The following SAMMSON variants were observed in gnomAD, a reference collection of about 807,000 sequenced individuals.
The protein encoded by SAMMSON is long intergenic non-protein coding RNA 1212.
intron 2 of SAMMSON, among the ~76,000 whole-genome samples, chr3:70,425,606 G>A (rs1385038318): frequency 6.6e-6 from 1 of 151,594 alleles, no homozygotes; most frequent in African/African-American, 2.4e-5. Context: ...GTAGAGACGG[G>A]GTTTCACCAT....
At chr3:70,028,833 C>T (rs147973823) in intron 3 of SAMMSON, among the ~76,000 whole-genome samples, 2 of 152,106 alleles carry the variant, frequency 1.3e-5, no homozygotes, top group Non-Finnish European at 2.9e-5. Flanking sequence ...GTTTTCTCAC[C>T]GATGATAATG....
At chr3:70,051,342 T>C (rs184635777) in intron 3 of SAMMSON, among the ~76,000 whole-genome samples, 1 of 150,078 alleles carries the variant, frequency 6.7e-6, no homozygotes, top group Admixed American at 6.6e-5. Flanking sequence ...CATAAGGATT[T>C]AACAGGGAAG....
At chr3:70,030,152 G>T (rs1435211264) in intron 3 of SAMMSON, among the ~76,000 whole-genome samples, 1 of 151,826 alleles carries the variant, frequency 6.6e-6, no homozygotes, top group Non-Finnish European at 1.5e-5. Context: ...AATAAGAAAA[G>T]TTAAATAAAT....
intron 3 of SAMMSON, among the ~76,000 whole-genome samples, chr3:70,050,563 A>T (rs2067142266): frequency 6.6e-6 from 1 of 152,156 alleles, no homozygotes. Flanking sequence ...ATGTTAATTG[A>T]CTTGACACAT....
chr3:70,159,113 C>T (rs1374739195), intron 4 of SAMMSON, among the ~76,000 whole-genome samples: 2 of 151,860 alleles, frequency 1.3e-5, no homozygotes, highest in East Asian at 3.9e-4. Context: ...TTTCTACAAC[C>T]TTTTTTGATA....
chr3:70,293,109 A>G (rs535003494), intron 7 of SAMMSON, among the ~76,000 whole-genome samples: 35 of 149,942 alleles, frequency 2.3e-4, no homozygotes, highest in Admixed American at 6.0e-4. Flanking sequence ...AAAATTCAGT[A>G]TTCACCAACT....
At chr3:70,293,811 A>G (rs1575618323) in intron 7 of SAMMSON, among the ~76,000 whole-genome samples, 2 of 152,108 alleles carry the variant, frequency 1.3e-5, no homozygotes, top group African/African-American at 4.8e-5. Context: ...AAAAGACCTT[A>G]GGAACCTGGT....
chr3:70,164,091 G>A (rs2067626975), intron 4 of SAMMSON, among the ~76,000 whole-genome samples: 1 of 151,994 alleles, frequency 6.6e-6, no homozygotes, highest in African/African-American at 2.4e-5. Context: ...TGTGCTGATG[G>A]ATTTAGGTTC....
chr3:70,123,490 G>C (rs1373434303), intron 4 of SAMMSON, among the ~76,000 whole-genome samples: 1 of 152,174 alleles, frequency 6.6e-6, no homozygotes, highest in African/African-American at 2.4e-5. Context: ...GGCTGGTCTC[G>C]AACTCCTGAG....
At chr3:70,421,459 A>G (rs919974758) in intron 2 of SAMMSON, among the ~76,000 whole-genome samples, 1 of 152,106 alleles carries the variant, frequency 6.6e-6, no homozygotes, top group African/African-American at 2.4e-5. Flanking sequence ...TTCTTTCTAA[A>G]TTCAGAGAAT....
intron 4 of SAMMSON, among the ~76,000 whole-genome samples, chr3:70,102,451 G>T (rs2067349810): frequency 6.6e-6 from 1 of 152,080 alleles, no homozygotes; most frequent in Non-Finnish European, 1.5e-5. Flanking sequence ...ATTTTTCTAG[G>T]GACGTCTGGG....
chr3:70,204,216 G>A (rs573287950), intron 4 of SAMMSON, among the ~76,000 whole-genome samples: 2 of 152,126 alleles, frequency 1.3e-5, no homozygotes, highest in Non-Finnish European at 2.9e-5. Flanking sequence ...CAAACTACAT[G>A]AAAGTGGATG....
chr3:70,394,677 A>G (rs1701076796), downstream of SAMMSON, among the ~76,000 whole-genome samples: 1 of 152,180 alleles, frequency 6.6e-6, no homozygotes, highest in East Asian at 1.9e-4. Flanking sequence ...AAAATGGTAA[A>G]TTGTACGTTA....
chr3:70,123,092 C>T (rs1419782129), intron 4 of SAMMSON, among the ~76,000 whole-genome samples: 1 of 152,124 alleles, frequency 6.6e-6, no homozygotes, highest in Non-Finnish European at 1.5e-5. Flanking sequence ...ATTCAGAGGG[C>T]TTGTTAGAGC....
intron 4 of SAMMSON, among the ~76,000 whole-genome samples, chr3:70,122,829 C>G (rs1320361823): frequency 2.0e-5 from 3 of 152,138 alleles, no homozygotes; most frequent in African/African-American, 4.8e-5. Context: ...TAATTAATAG[C>G]AATGCTTTTC....
At chr3:70,176,246 G>A (rs1391547116) in intron 4 of SAMMSON, among the ~76,000 whole-genome samples, 3 of 152,114 alleles carry the variant, frequency 2.0e-5, no homozygotes, top group African/African-American at 7.2e-5. Context: ...TAGTTCACAG[G>A]GTTATACCTG....
chr3:70,098,284 G>A (rs970871444), intron 4 of SAMMSON, among the ~76,000 whole-genome samples: 1 of 152,114 alleles, frequency 6.6e-6, no homozygotes, highest in South Asian at 2.1e-4. Context: ...AACTGAAAGC[G>A]GTCTCACACA....
chr3:70,122,631 G>GAA (rs11391340), intron 4 of SAMMSON, among the ~76,000 whole-genome samples: 2 of 149,324 alleles, frequency 1.3e-5, no homozygotes, highest in East Asian at 2.0e-4. Flanking sequence ...AACAAATAGT[G>GAA]AAAAAAACAT....
chr3:70,410,596 G>T (rs910443471), intron 2 of SAMMSON, among the ~76,000 whole-genome samples: 33 of 152,068 alleles, frequency 2.2e-4, no homozygotes, highest in African/African-American at 7.0e-4. Flanking sequence ...TTTACTGCAA[G>T]ATTTTTTTAA....
Sources: allele counts gnomAD v4.1 joint callset (sites outside exome capture counted in the v4.1 genomes callset), GRCh38; gene constraint gnomAD v4.1.1; transcripts MANE v1.5; gene names NCBI Gene and HGNC (gene_info 2026-07-23, HGNC 2026-07-21).